The following CLDN20 variants were observed in gnomAD, a reference collection of about 807,000 sequenced individuals.
CLDN20 encodes claudin-20.
For synonymous variants in CLDN20, 104 were observed against 103.6 expected, an observed-to-expected ratio of 1.00 and a Z score of -0.03; for missense variants, 258 against 267.9, an observed-to-expected ratio of 0.96 and a Z score of 0.26.
At chr6:155,270,965 G>C (rs1188279189) in intron 1 of CLDN20, among the ~76,000 whole-genome samples, 1 of 152,186 alleles carries the variant, frequency 6.6e-6, no homozygotes, top group Admixed American at 6.5e-5. Flanking sequence ...ACGACTTAGA[G>C]AGCTAAGACT....
chr6:155,264,530 A>G (rs547441688), intron 1 of CLDN20, among the ~76,000 whole-genome samples: 1 of 152,316 alleles, frequency 6.6e-6, no homozygotes, highest in African/African-American at 2.4e-5. Context: ...GATCAACTAC[A>G]CGGTCAGTAC....
At position 155,276,412 on chromosome 6, in the gene CLDN20, T is replaced by C. The variant is rs769992530; in HGVS notation, c.*33T>C. The C allele has an allele frequency of 6.4e-7, 1 of 1,570,708 alleles. No individual in the cohort carries two copies. The highest frequency in any genetic ancestry group is 8.7e-7 in the Non-Finnish European group (1 of 1,155,528). The stretch of plus-strand genomic sequence containing the variant: ...AGTAATGCATATGAAATGGAACTTT[T>C]GGGTGCCAAATGGGACTTTTAGATT... On this transcript the variant is annotated 3_prime_UTR_variant, in exon 2 of 2. Transcript: ENST00000367165.
chr6:155,267,442 A>C lies in CLDN20; in HGVS notation c.-105+3154A>C, dbSNP rs1032002898. On this transcript the variant is annotated intron_variant, in intron 1 of 1. Transcript: ENST00000367165. ...AGACCAGGTGGTCTTCAGTATGTCC[A>C]AAGAACAAAAGGAAGGTTGGGAGTT... is the stretch of plus-strand genomic sequence containing the variant. Among the ~76,000 whole-genome samples, 6 of 152,268 alleles carry C rather than the reference A, an allele frequency of 3.9e-5. No individual in the cohort carries two copies. In the East Asian group the frequency reaches 1.2e-3, roughly 29 times the overall value.
chr6:155,266,021 C>G (rs924209462), intron 1 of CLDN20, among the ~76,000 whole-genome samples: 1 of 151,788 alleles, frequency 6.6e-6, no homozygotes, highest in Non-Finnish European at 1.5e-5. Context: ...CTAGCTGAGC[C>G]GGCAGCTGAT....
chr6:155,275,970 T>G lies in CLDN20; in HGVS notation c.251T>G (p.Met84Arg). ...PIHVQAARATMVLACVLSALG... is the reference protein window; with the variant it reads ...PIHVQAARATRVLACVLSALG... ...CACGTGCAGGCTGCGAGAGCCACCA[T>G]GGTCCTGGCGTGTGTTCTGTCTGCT... is the stretch of plus-strand genomic sequence containing the variant. Residue 84 changes from methionine (M) to arginine (R), a missense_variant, in exon 2 of 2, where the codon ATG becomes AGG. Transcript: ENST00000367165. 4 of 1,614,216 alleles carry G rather than the reference T, an allele frequency of 2.5e-6. No individual in the cohort carries two copies. Among genetic ancestry groups the G allele is most frequent in the Non-Finnish European group, 3.4e-6 (4 of 1,180,038 alleles).
chr6:155,274,165 C>T (rs1007396961), intron 1 of CLDN20, among the ~76,000 whole-genome samples: 18 of 152,198 alleles, frequency 1.2e-4, no homozygotes, highest in African/African-American at 4.3e-4. Flanking sequence ...GAGCCTGTAT[C>T]ACCTTTTGTA....
At chr6:155,264,930 C>T (rs73792819) in intron 1 of CLDN20, among the ~76,000 whole-genome samples, 2,249 of 152,230 alleles carry the variant, frequency 0.015, 53 homozygotes, top group African/African-American at 0.049. Context: ...GGGAGATGCA[C>T]GTGTAATCCT....
intron 1 of CLDN20, among the ~76,000 whole-genome samples, chr6:155,271,884 G>A (rs1784935472): frequency 6.6e-6 from 1 of 152,000 alleles, no homozygotes; most frequent in Admixed American, 6.5e-5. Flanking sequence ...TAGCTTTCAG[G>A]TTTCAACAAA....
intron 1 of CLDN20, among the ~76,000 whole-genome samples, chr6:155,273,107 C>T (rs561103469): frequency 2.6e-5 from 4 of 152,134 alleles, no homozygotes; most frequent in Non-Finnish European, 5.9e-5. Context: ...GGCTGGAGTC[C>T]GAAATGCTAA....
chr6:155,266,910 T>G (rs1261659929), intron 1 of CLDN20, among the ~76,000 whole-genome samples: 10 of 147,734 alleles, frequency 6.8e-5, no homozygotes, highest in Admixed American at 3.4e-4. Flanking sequence ...AGTGAGACAT[T>G]AAAGCATAGT....
At chr6:155,265,722 T>A (rs2114680104) in intron 1 of CLDN20, among the ~76,000 whole-genome samples, 1 of 145,948 alleles carries the variant, frequency 6.9e-6, no homozygotes, top group African/African-American at 2.5e-5. Context: ...TATTTATATA[T>A]AATATAAATA....
chr6:155,272,567 C>A (rs1424401452), intron 1 of CLDN20, among the ~76,000 whole-genome samples: 2 of 151,772 alleles, frequency 1.3e-5, no homozygotes, highest in African/African-American at 4.8e-5. Flanking sequence ...TTATTCTCTA[C>A]GAGATAGAAA....
chr6:155,276,178 A>AG lies in CLDN20; in HGVS notation c.460dup (p.Glu154GlyfsTer6). ...CAAACTTTCTGGATCTGACAGTTCC[A>AG]GAAAGCAACAAACATGAACCTGGAG... On this transcript the variant is annotated frameshift_variant, in exon 2 of 2. Coordinates refer to ENST00000367165, the MANE Select transcript of CLDN20 (RefSeq NM_001001346.3). LOFTEE classifies it low-confidence loss of function (END_TRUNC). The AG allele has an allele frequency of 6.2e-7, 1 of 1,614,204 alleles. No individual in the cohort carries two copies. The highest frequency in any genetic ancestry group is 8.5e-7 in the Non-Finnish European group (1 of 1,180,034).
chr6:155,268,396 T>G (rs1461641594), intron 1 of CLDN20, among the ~76,000 whole-genome samples: 3 of 152,172 alleles, frequency 2.0e-5, no homozygotes, highest in African/African-American at 7.2e-5. Flanking sequence ...AGGGTAGAGG[T>G]CTCTCTCATA....
chr6:155,271,433 A>T (rs1562394526), intron 1 of CLDN20, among the ~76,000 whole-genome samples: 1 of 152,222 alleles, frequency 6.6e-6, no homozygotes, highest in African/African-American at 2.4e-5. Context: ...CACAAATCTA[A>T]GTGGAAGCAA....
chr6:155,267,564 G>A (rs897127133), intron 1 of CLDN20, among the ~76,000 whole-genome samples: 3 of 152,216 alleles, frequency 2.0e-5, no homozygotes, highest in African/African-American at 7.2e-5. Context: ...AGTGACGACA[G>A]CAGGTAAAAC....
intron 1 of CLDN20, among the ~76,000 whole-genome samples, chr6:155,271,058 T>C (rs1372065796): frequency 1.3e-5 from 2 of 152,170 alleles, no homozygotes; most frequent in Admixed American, 6.5e-5. Context: ...TCTTGCTCAA[T>C]GCAAAACTTA....
chr6:155,273,827 G>T (rs1414966573), intron 1 of CLDN20, among the ~76,000 whole-genome samples: 1 of 152,124 alleles, frequency 6.6e-6, no homozygotes, highest in Non-Finnish European at 1.5e-5. Flanking sequence ...AAACAAGGAT[G>T]CTTGAGATTG....
chr6:155,276,301 C>T lies in CLDN20; in HGVS notation c.582C>T (p.Leu194=), dbSNP rs138139364. Residue 194 remains leucine, a synonymous_variant, in exon 2 of 2, where the codon CTC becomes CTT. Coordinates refer to ENST00000367165, the MANE Select transcript of CLDN20 (RefSeq NM_001001346.3). ...SCIKRNPEAR[L]DPPTQQPISN... is the part of the protein sequence containing the mutation. ...TAAAAAGGAATCCAGAAGCTAGACT[C>T]GACCCACCCACACAGCAGCCTATCT... The T allele has an allele frequency of 1.5e-4, 247 of 1,613,892 alleles. 2 individuals carry two copies. In the Middle Eastern group the frequency reaches 1.8e-3, roughly 12 times the overall value.
Sources: allele counts gnomAD v4.1 joint callset (sites outside exome capture counted in the v4.1 genomes callset), GRCh38; gene constraint gnomAD v4.1.1; transcripts MANE v1.5; gene names NCBI Gene and HGNC (gene_info 2026-07-23, HGNC 2026-07-21).